The following ARRDC5 variants were observed in gnomAD, a reference collection of about 807,000 sequenced individuals.
ARRDC5 encodes arrestin domain containing 5.
In ARRDC5, 12 loss-of-function variants were observed where a neutral mutation model predicts 13.3. The observed-to-expected ratio is 0.90, with a 90% CI of 0.58 to 1.46. The LOEUF (loss-of-function observed/expected upper bound fraction) is 1.46, where lower values mean the gene tolerates loss of function less well. ARRDC5 is among the 40% of genes most tolerant of loss of function. ARRDC5 has a pLI of 0.00. For missense variants in ARRDC5, 406 were observed against 418.7 expected, an observed-to-expected ratio of 0.97 and a Z score of 0.26; for synonymous variants, 181 against 173.4, an observed-to-expected ratio of 1.04 and a Z score of -0.34.
At chr19:4,898,918 G>C (rs971935387) in intron 1 of ARRDC5, among the ~76,000 whole-genome samples, 6 of 151,820 alleles carry the variant, frequency 4.0e-5, no homozygotes, top group Admixed American at 1.3e-4. Context: ...GAGCCACCGT[G>C]CCCGGCCCAG....
At chr19:4,915,983 T>A in the ARRDC5 span, among the ~76,000 whole-genome samples, 1 of 152,084 alleles carries the variant, frequency 6.6e-6, no homozygotes, top group Admixed American at 6.6e-5. Flanking sequence ...GGAGCCTGTG[T>A]CTGTGTGGAT....
the ARRDC5 span, among the ~76,000 whole-genome samples, chr19:4,912,134 CT>C: frequency 6.6e-6 from 1 of 152,162 alleles, no homozygotes; most frequent in Non-Finnish European, 1.5e-5. Flanking sequence ...TGACTTGAGT[CT>C]TAAGAATCTG....
At chr19:4,896,567 C>T (rs2031741349) in intron 2 of ARRDC5, 104 bp downstream of exon 2, 1 of 836,122 alleles carries the variant, frequency 1.2e-6, no homozygotes, top group Non-Finnish European at 2.0e-6. Flanking sequence ...CAACACCCTT[C>T]CCTTCTCCCC....
chr19:4,913,588 G>T, the ARRDC5 span, among the ~76,000 whole-genome samples: 1 of 151,940 alleles, frequency 6.6e-6, no homozygotes, highest in Non-Finnish European at 1.5e-5. Context: ...CAGGATGTCC[G>T]CAGTGATGAC....
At chr19:4,891,614 G>C (rs529328299) in intron 2 of ARRDC5, 41 bp from the exon 3 acceptor site, 4 of 1,561,146 alleles carry the variant, frequency 2.6e-6, no homozygotes, top group Non-Finnish European at 3.5e-6. Flanking sequence ...GAGGGACCAG[G>C]ACCACAAAAT....
At chr19:4,909,569 G>A in the ARRDC5 span, 65 of 657,970 alleles carry the variant, frequency 9.9e-5, no homozygotes, top group African/African-American at 1.0e-3. Context: ...AAGTCCGCGC[G>A]GGGTCCGGGC....
At chr19:4,897,092 G>A (rs1429620681) in intron 1 of ARRDC5, among the ~76,000 whole-genome samples, 2 of 152,060 alleles carry the variant, frequency 1.3e-5, no homozygotes, top group Admixed American at 1.3e-4. Context: ...GAGTAGCTGC[G>A]ACTACAGGCG....
upstream of ARRDC5, among the ~76,000 whole-genome samples, chr19:4,907,837 C>T (rs989788764): frequency 3.3e-5 from 5 of 151,200 alleles, no homozygotes; most frequent in East Asian, 1.9e-4. Context: ...CTCAGCCTCC[C>T]GAGTAGCTGG....
upstream of ARRDC5, among the ~76,000 whole-genome samples, chr19:4,905,270 C>T (rs1443270264): frequency 6.6e-6 from 1 of 150,702 alleles, no homozygotes; most frequent in Non-Finnish European, 1.5e-5. Context: ...GCATGTGCCA[C>T]CATGCCCGGC....
chr19:4,910,558 A>C, the ARRDC5 span: 4 of 271,106 alleles, frequency 1.5e-5, no homozygotes, highest in Non-Finnish European at 2.1e-5. Flanking sequence ...CAACTCGGCC[A>C]CTTGGCCCGG....
upstream of ARRDC5, among the ~76,000 whole-genome samples, chr19:4,904,327 C>G (rs952126308): frequency 6.6e-6 from 1 of 152,034 alleles, no homozygotes; most frequent in Non-Finnish European, 1.5e-5. Context: ...TACAGGCGTC[C>G]GCCACAAATG....
chr19:4,893,572 C>T (rs761987464), intron 2 of ARRDC5, among the ~76,000 whole-genome samples: 6 of 150,058 alleles, frequency 4.0e-5, no homozygotes, highest in South Asian at 2.1e-4. Flanking sequence ...TTGCAACCCA[C>T]GACTGGGTTG....
At chr19:4,914,597 T>C in the ARRDC5 span, among the ~76,000 whole-genome samples, 2 of 151,468 alleles carry the variant, frequency 1.3e-5, no homozygotes, top group African/African-American at 4.9e-5. Flanking sequence ...GGCAGTGACT[T>C]TGGGCAGACG....
chr19:4,911,917 G>GT, the ARRDC5 span, among the ~76,000 whole-genome samples: 25 of 152,170 alleles, frequency 1.6e-4, no homozygotes, highest in Non-Finnish European at 3.2e-4. Context: ...TGAGCTGCGT[G>GT]TACCCCACTG....
chr19:4,913,577 T>C, the ARRDC5 span, among the ~76,000 whole-genome samples: 1 of 152,020 alleles, frequency 6.6e-6, no homozygotes, highest in Admixed American at 6.6e-5. Flanking sequence ...CTTTTAATTG[T>C]CAGGATGTCC....
intron 2 of ARRDC5, among the ~76,000 whole-genome samples, chr19:4,896,360 TTACACACAC>T (rs1249476977): frequency 2.6e-4 from 18 of 70,288 alleles, no homozygotes; most frequent in African/African-American, 1.2e-3. Context: ...TTTTTTTTTT[TTACACACAC>T]ACACACACAC....
chr19:4,896,786 T>C lies in ARRDC5; in HGVS notation c.344A>G (p.His115Arg), dbSNP rs760997719. ...GGAAGCTTGTACGAAATAGAAGACA[T>C]GGCCAAATTTGCTGGTGAAGGTAGA... ...LPSTFTSKFG[H>R]VFYFVQASCM... Residue 115 changes from histidine to arginine, a missense_variant, in exon 2 of 3, where the codon CAT becomes CGT. Physicochemically the swap from His to Arg is conservative, Grantham distance 29. Coordinates refer to ENST00000650722, the MANE Select transcript of ARRDC5 (RefSeq NM_001080523.3). 2 of 1,613,858 alleles carry C rather than the reference T, an allele frequency of 1.2e-6. No homozygotes were observed. Among genetic ancestry groups the C allele is most frequent in the East Asian group, 2.2e-5 (1 of 44,864 alleles).
the ARRDC5 span, chr19:4,910,596 A>C: frequency 9.2e-6 from 3 of 324,858 alleles, no homozygotes; most frequent in Admixed American, 4.9e-5. Flanking sequence ...GTCGTGGGGA[A>C]GGAGGGATGG....
the ARRDC5 span, among the ~76,000 whole-genome samples, chr19:4,913,637 C>G: frequency 6.6e-6 from 1 of 152,232 alleles, no homozygotes; most frequent in South Asian, 2.1e-4. Context: ...CCGGACTGAA[C>G]AGGGAGCTGG....
Sources: allele counts gnomAD v4.1 joint callset (sites outside exome capture counted in the v4.1 genomes callset), GRCh38; gene constraint gnomAD v4.1.1; transcripts MANE v1.5; gene names NCBI Gene and HGNC (gene_info 2026-07-23, HGNC 2026-07-21).